Variants in ATP2B4 observed in about 807,000 individuals in gnomAD.
The protein encoded by ATP2B4 is plasma membrane calcium-transporting ATPase 4.
In ATP2B4, 39 loss-of-function variants were observed where a neutral mutation model predicts 110.3. The observed-to-expected ratio is 0.35, with a 90% confidence interval of 0.27 to 0.46. The LOEUF (loss-of-function observed/expected upper bound fraction) is 0.46. ATP2B4 is among the 20% of genes least tolerant of loss of function. ATP2B4 has a pLI of 1.00. For missense variants in ATP2B4, 1,135 were observed against 1,530.9 expected (o/e 0.74, Z 4.32); for synonymous variants, 538 against 571.7 (o/e 0.94, Z 0.84).
At chr1:203,654,554 T>C (rs1664100280) in intron 1 of ATP2B4, among the ~76,000 whole-genome samples, 1 of 152,178 alleles carries the variant, frequency 6.6e-6, no homozygotes, top group Non-Finnish European at 1.5e-5. Flanking sequence ...GCAAAGTGAA[T>C]TGAAAACCTC....
chr1:203,662,732 T>C (rs893634361), intron 1 of ATP2B4, among the ~76,000 whole-genome samples: 1 of 152,164 alleles, frequency 6.6e-6, no homozygotes, highest in Admixed American at 6.5e-5. Context: ...CTTTTTTAAA[T>C]CACATTTTTT....
Position 203,732,066 on chromosome 1 carries a change from A to G in ATP2B4, c.3309+4495A>G, listed in dbSNP as rs538250855. Among the ~76,000 whole-genome samples, 18 of 149,798 alleles carry G rather than the reference A, an allele frequency of 1.2e-4. No individual in the cohort carries two copies. In the East Asian group the frequency reaches 3.6e-3, roughly 30 times the overall value. ...GTGGCGGGTGCCTGTAGTCCCAGCT[A>G]CTCAGGAGGCTGAGGCAGGAGAATG... On this transcript the variant is annotated intron_variant, in intron 20 of 20. Coordinates refer to ENST00000357681, the MANE Select transcript of ATP2B4 (RefSeq NM_001684.5).
At chr1:203,727,723 A>ATCCTTTTGCGTGTCTGT in intron 20 of ATP2B4, 152 bp downstream of exon 20, 1 of 926,662 alleles carries the variant, frequency 1.1e-6, no homozygotes, top group Non-Finnish European at 1.6e-6. Context: ...TTCAGGACAG[A>ATCCTTTTGCGTGTCTGT]CACGCAAAAG....
chr1:203,679,317 G>T (rs1357829883), intron 1 of ATP2B4, among the ~76,000 whole-genome samples: 1 of 152,076 alleles, frequency 6.6e-6, no homozygotes, highest in African/African-American at 2.4e-5. Flanking sequence ...GACAGAAGTG[G>T]GGACGTCATG....
At position 203,700,137 on chromosome 1, in the gene ATP2B4, G is replaced by A. The variant is rs1194891419; in HGVS notation, c.650-69G>A. 5 of 1,544,350 alleles carry A rather than the reference G, an allele frequency of 3.2e-6. No homozygotes were observed. The African/African-American group carries it at 4.1e-5, about 13-fold the overall frequency. The stretch of plus-strand genomic sequence containing the variant: ...GCCATGAGATAGGGTTGAAGGAGTT[G>A]GAGGACCCTACCCTCAGCCAGTCTC... On this transcript the variant is annotated intron_variant, in intron 4 of 20. Coordinates refer to ENST00000357681, the MANE Select transcript of ATP2B4 (RefSeq NM_001684.5).
At chr1:203,655,901 T>C (rs1664146111) in intron 1 of ATP2B4, among the ~76,000 whole-genome samples, 1 of 151,870 alleles carries the variant, frequency 6.6e-6, no homozygotes, top group African/African-American at 2.4e-5. Context: ...ATTAGCGTTG[T>C]GTTTTGTTTT....
chr1:203,686,426 G>A (rs892637891), intron 2 of ATP2B4, among the ~76,000 whole-genome samples: 1 of 152,082 alleles, frequency 6.6e-6, no homozygotes, highest in Non-Finnish European at 1.5e-5. Context: ...CTGATTCCCA[G>A]AGAGCTTCCT....
intron 1 of ATP2B4, among the ~76,000 whole-genome samples, chr1:203,676,677 G>C (rs1246351917): frequency 1.3e-5 from 2 of 152,172 alleles, no homozygotes; most frequent in East Asian, 3.9e-4. Flanking sequence ...CAGATCACCA[G>C]GGGGAGCAAG....
chr1:203,703,684 C>T lies in ATP2B4; in HGVS notation c.970C>T (p.Gln324Ter). 6.2e-7 allele frequency: 1 copy of T among 1,614,076 alleles called. No homozygotes were observed. The highest frequency in any genetic ancestry group is 1.1e-5 in the South Asian group (1 of 91,084). Reference sequence around the variant, plus strand: ...CCAAGACGGAGTGGCCCTGGAAATCCAGCCACTCAACAGCCAGGAGGGAAT... The same window carrying T: ...CCAAGACGGAGTGGCCCTGGAAATCTAGCCACTCAACAGCCAGGAGGGAAT... ...KTQDGVALEI[Q>*]PLNSQEGIDN... Residue 324 changes from glutamine to a stop codon, truncating the protein, a stop_gained, in exon 8 of 21, where the codon CAG (glutamine) becomes TAG (stop). Transcript: ENST00000357681. LOFTEE classifies it high-confidence loss of function.
chr1:203,656,753 T>C (rs1385880426), intron 1 of ATP2B4, among the ~76,000 whole-genome samples: 2 of 152,228 alleles, frequency 1.3e-5, no homozygotes, highest in Non-Finnish European at 2.9e-5. Flanking sequence ...AGGATATTTG[T>C]ATATTTGCTT....
intron 1 of ATP2B4, among the ~76,000 whole-genome samples, chr1:203,632,601 C>G (rs1386901780): frequency 6.6e-6 from 1 of 151,598 alleles, no homozygotes; most frequent in Non-Finnish European, 1.5e-5. Context: ...CCTCAGCCTC[C>G]CAAAGTGCTG....
chr1:203,699,438 T>G (rs1370520961), intron 3 of ATP2B4, 22 bp from the exon 4 acceptor site: 1 of 1,613,328 alleles, frequency 6.2e-7, no homozygotes, highest in Non-Finnish European at 8.5e-7. Flanking sequence ...TCAGTGACTA[T>G]TTCTCTCCCT....
intron 18 of ATP2B4, among the ~76,000 whole-genome samples, chr1:203,723,637 C>T (rs945778801): frequency 6.6e-6 from 1 of 152,060 alleles, no homozygotes; most frequent in Non-Finnish European, 1.5e-5. Flanking sequence ...CCTAACTCCT[C>T]CAGATTGTCT....
At chr1:203,736,454 G>T (rs1003602234) in intron 20 of ATP2B4, among the ~76,000 whole-genome samples, 1 of 151,836 alleles carries the variant, frequency 6.6e-6, no homozygotes, top group Middle Eastern at 3.4e-3. Flanking sequence ...GGCAACAAGA[G>T]TGAAACTCCA....
intron 7 of ATP2B4, among the ~76,000 whole-genome samples, chr1:203,703,043 T>C (rs991180436): frequency 6.6e-6 from 1 of 152,154 alleles, no homozygotes; most frequent in Non-Finnish European, 1.5e-5. Context: ...CAGGTCCCAC[T>C]CTGTATCTCT....
intron 2 of ATP2B4, among the ~76,000 whole-genome samples, chr1:203,696,288 C>T (rs1339511211): frequency 6.6e-6 from 1 of 152,196 alleles, no homozygotes; most frequent in African/African-American, 2.4e-5. Flanking sequence ...CTGTATACCA[C>T]GTCTGCATTC....
chr1:203,671,562 C>T lies in ATP2B4; in HGVS notation c.-464-11180C>T, dbSNP rs529979483. Among the ~76,000 whole-genome samples the T allele has an allele frequency of 1.8e-4, 27 of 152,272 alleles. 1 individual carries two copies. The South Asian group carries it at 2.3e-3, about 13-fold the overall frequency. On this transcript the variant is annotated intron_variant, in intron 1 of 20. Coordinates refer to ENST00000357681, the MANE Select transcript of ATP2B4 (RefSeq NM_001684.5). ...AGGCAGAGGGCCATAGTACTTCCAT[C>T]GAATAGATGCAGACTGACCTCTGAT... is the stretch of plus-strand genomic sequence containing the variant.
chr1:203,684,011 G>A (rs1665100750), intron 2 of ATP2B4, among the ~76,000 whole-genome samples: 1 of 152,096 alleles, frequency 6.6e-6, no homozygotes, highest in Non-Finnish European at 1.5e-5. Flanking sequence ...TCAGTGTCCA[G>A]AAAGGAGGAT....
At chr1:203,643,670 C>T (rs1663701940) in intron 1 of ATP2B4, among the ~76,000 whole-genome samples, 1 of 152,226 alleles carries the variant, frequency 6.6e-6, no homozygotes, top group South Asian at 2.1e-4. Flanking sequence ...AGGGGGAATT[C>T]TCTGGTCCCC....
Sources: gnomAD v4.1 joint callset for allele counts (sites outside exome capture counted in the v4.1 genomes callset) on GRCh38, gnomAD v4.1.1 for gene constraint, MANE v1.5 for transcripts, NCBI Gene and HGNC (gene_info 2026-07-23, HGNC 2026-07-21) for gene names.